Variants in VWA8 observed in about 807,000 individuals in gnomAD.
The protein encoded by VWA8 is von Willebrand factor A domain containing 8.
Under a neutral mutation model 241.5 loss-of-function variants are expected in VWA8, and 221 were observed. That is an observed-to-expected ratio of 0.91 (90% CI 0.82 to 1.02). The LOEUF is 1.02. VWA8 is among the 50% of genes least tolerant of loss of function. The probability of loss-of-function intolerance (pLI) is 0.00; values close to 1 mark genes in which losing one functional copy is unlikely to be tolerated. For synonymous variants in VWA8, 852 were observed against 827.1 expected (o/e 1.03, Z -0.52); for missense variants, 2,322 against 2,328.7 (o/e 1.00, Z 0.06).
At position 41,830,550 on chromosome 13, in the gene VWA8, G is replaced by A; in HGVS notation, c.1679C>T (p.Ser560Phe). The part of the protein sequence containing the change: ...YMRLKEELQL[S>F]DEQLQKRSIF... ...TTACCTCTTCTGTAGCTGTTCATCA[G>A]ACAGTTGCAGCTCCTCCTTTAAACG... The change falls in exon 14 of 45, where the codon TCT becomes TTT. Residue 560 changes from serine to phenylalanine, a missense_variant. Transcript: ENST00000379310. The A allele has an allele frequency of 6.2e-7, 1 of 1,613,740 alleles. No homozygotes were observed. The highest frequency in any genetic ancestry group is 8.5e-7 in the Non-Finnish European group (1 of 1,179,792).
At chr13:41,882,797 AGAGAGGGAGAGGGAGACCGTGGG>A (rs1555347349) in intron 9 of VWA8, among the ~76,000 whole-genome samples, 3 of 135,942 alleles carry the variant, frequency 2.2e-5, no homozygotes, top group East Asian at 2.2e-4. Context: ...GACCGTGGAA[AGAGAGGGAGAGGGAGACCGTGGG>A]GAGAGGGAGA....
At chr13:41,618,939 A>C (rs2044639234) in intron 37 of VWA8, among the ~76,000 whole-genome samples, 1 of 152,184 alleles carries the variant, frequency 6.6e-6, no homozygotes, top group South Asian at 2.1e-4. Flanking sequence ...TTTGCTTAGC[A>C]TTGTCTTGGC....
At chr13:41,751,401 G>A (rs969279738) in intron 21 of VWA8, among the ~76,000 whole-genome samples, 8 of 152,154 alleles carry the variant, frequency 5.3e-5, no homozygotes, top group African/African-American at 1.9e-4. Context: ...TCTGTGCAGC[G>A]GCTGACATTG....
intron 26 of VWA8, among the ~76,000 whole-genome samples, chr13:41,705,613 G>A (rs2045278221): frequency 6.6e-6 from 1 of 152,136 alleles, no homozygotes; most frequent in African/African-American, 2.4e-5. Flanking sequence ...TTATTAACCT[G>A]CTATATAAAC....
chr13:41,679,769 T>A (rs1217738041), intron 35 of VWA8, among the ~76,000 whole-genome samples: 1 of 150,936 alleles, frequency 6.6e-6, no homozygotes, highest in Non-Finnish European at 1.5e-5. Context: ...CTAGCTTGAA[T>A]TTTCATCAGA....
rs1215062738 is a variant in VWA8 at position 41,615,042 on chromosome 13, TG to T, written c.4653del (p.Lys1552AsnfsTer76). 1.1e-5 allele frequency: 17 copies of T among 1,613,822 alleles called. No individual in the cohort carries two copies. Among genetic ancestry groups the T allele is most frequent in the African/African-American group, 2.7e-5 (2 of 74,910 alleles). On this transcript the variant is annotated frameshift_variant, in exon 38 of 45. Coordinates refer to ENST00000379310, the MANE Select transcript of VWA8 (RefSeq NM_015058.2). LOFTEE classifies it high-confidence loss of function. ...TTGTCTGGGTCCTCCTTCCCGTGTT[TG>T]GGGGAGCTTACATCTTCACCACTGT... ...NRDSGEDVSS[P>X]KHGKEDPDNM... is the part of the protein sequence containing the mutation.
intron 21 of VWA8, among the ~76,000 whole-genome samples, chr13:41,755,339 G>A (rs973258776): frequency 4.0e-5 from 6 of 151,880 alleles, no homozygotes; most frequent in Non-Finnish European, 5.9e-5. Flanking sequence ...AACAGAAATC[G>A]AGACTTTTCA....
chr13:41,711,825 G>T (rs1304369829), intron 26 of VWA8, among the ~76,000 whole-genome samples: 1 of 151,768 alleles, frequency 6.6e-6, no homozygotes. Context: ...AGTGAGCCGA[G>T]ATCATGCCAC....
intron 12 of VWA8, among the ~76,000 whole-genome samples, chr13:41,841,771 C>T (rs1265015280): frequency 4.2e-5 from 4 of 95,422 alleles, no homozygotes; most frequent in South Asian, 3.9e-4. Flanking sequence ...GGCGACAGAG[C>T]GAGACTCTGT....
At chr13:41,638,773 A>G (rs2044775679) in intron 37 of VWA8, among the ~76,000 whole-genome samples, 1 of 152,206 alleles carries the variant, frequency 6.6e-6, no homozygotes, top group Admixed American at 6.5e-5. Context: ...AAAGATTAGA[A>G]TTACATGAAT....
chr13:41,812,034 T>C (rs1383270707), intron 16 of VWA8, among the ~76,000 whole-genome samples: 1 of 152,190 alleles, frequency 6.6e-6, no homozygotes, highest in East Asian at 1.9e-4. Context: ...GTATCCTATT[T>C]ATTAGCTGTG....
chr13:41,779,091 T>C (rs1019765427), intron 19 of VWA8, among the ~76,000 whole-genome samples: 2 of 150,698 alleles, frequency 1.3e-5, no homozygotes, highest in Non-Finnish European at 3.0e-5. Context: ...TCTGCCTGCC[T>C]CGGCCTCCCA....
chr13:41,721,263 C>T lies in VWA8; in HGVS notation c.2964+107G>A, dbSNP rs1348869547. On this transcript the variant is annotated intron_variant, in intron 25 of 44. Transcript: ENST00000379310. ...ACACATTTCAAATCATGTAATCTGA[C>T]TCATTATTGTATTTATGGAAATTAA... The T allele has an allele frequency of 2.5e-5, 28 of 1,100,310 alleles. No individual in the cohort carries two copies. The South Asian group carries it at 2.7e-4, about 11-fold the overall frequency. 68.2% of individuals were successfully genotyped at this position (1,100,310 alleles called of 1,614,324 possible).
chr13:41,960,991 C>T lies in VWA8; in HGVS notation c.25G>A (p.Gly9Arg). 7.2e-6 allele frequency: 10 copies of T among 1,395,586 alleles called. No individual in the cohort carries two copies. Among genetic ancestry groups the T allele is most frequent in the Non-Finnish European group, 8.3e-6 (9 of 1,083,572 alleles). 86.5% of individuals were successfully genotyped at this position (1,395,586 alleles called of 1,614,324 possible). A position where few individuals can be genotyped will look rare whatever the true frequency, so the allele number is the denominator to read the frequency against. The change falls in exon 1 of 45, where the codon GGG becomes AGG. Residue 9 changes from glycine to arginine, a missense_variant. Transcript: ENST00000379310. ...GGGCCGCCGTGGCCTCCGGGTGCCCCGAGGAGTAGAAGCCGGGATTGCATG... is the reference window on the plus strand; with the variant it reads ...GGGCCGCCGTGGCCTCCGGGTGCCCTGAGGAGTAGAAGCCGGGATTGCATG... Reference protein sequence around the residue: MQSRLLLLGAPGGHGGPAS... With the variant: MQSRLLLLRAPGGHGGPAS...
At chr13:41,813,856 A>G (rs1230338897) in intron 16 of VWA8, among the ~76,000 whole-genome samples, 1 of 152,064 alleles carries the variant, frequency 6.6e-6, no homozygotes, top group Non-Finnish European at 1.5e-5. Context: ...ATTTATATCA[A>G]ATTTCTAACT....
At chr13:41,588,891 T>G (rs968504233) in intron 41 of VWA8, among the ~76,000 whole-genome samples, 26 of 152,218 alleles carry the variant, frequency 1.7e-4, no homozygotes, top group Non-Finnish European at 1.5e-5. Flanking sequence ...TAAAAACTTG[T>G]TGAGTCTGCC....
chr13:41,896,372 A>G (rs923068724), intron 4 of VWA8, among the ~76,000 whole-genome samples: 7 of 152,098 alleles, frequency 4.6e-5, no homozygotes, highest in Admixed American at 2.6e-4. Context: ...AAGTAAAATC[A>G]TGTAATTACT....
chr13:41,835,439 T>C (rs941774414), intron 12 of VWA8, among the ~76,000 whole-genome samples: 7 of 152,216 alleles, frequency 4.6e-5, no homozygotes, highest in African/African-American at 1.7e-4. Flanking sequence ...CTATGAATTC[T>C]AAATTATATG....
At chr13:41,786,893 C>G (rs181956302) in intron 18 of VWA8, among the ~76,000 whole-genome samples, 1 of 151,662 alleles carries the variant, frequency 6.6e-6, no homozygotes, top group African/African-American at 2.4e-5. Flanking sequence ...TAAATCTCCC[C>G]GAAACTGAAA....
Sources: gnomAD v4.1 joint callset for allele counts (sites outside exome capture counted in the v4.1 genomes callset) on GRCh38, gnomAD v4.1.1 for gene constraint, MANE v1.5 for transcripts, NCBI Gene and HGNC (gene_info 2026-07-23, HGNC 2026-07-21) for gene names.